RTF2: variants seen among roughly 807,000 people sequenced by gnomAD.
RTF2 encodes the protein UPF0549 protein C20orf43.
A neutral mutation model predicts 38.0 loss-of-function variants in RTF2; 18 were observed. The observed-to-expected ratio is 0.47, with a 90% confidence interval of 0.33 to 0.70. The LOEUF (loss-of-function observed/expected upper bound fraction) is 0.70, where lower values mean the gene tolerates loss of function less well. RTF2 is among the 30% of genes least tolerant of loss of function. RTF2 has a pLI of 0.02. For missense variants in RTF2, 311 were observed against 379.6 expected, an observed-to-expected ratio of 0.82 and a Z score of 1.50; for synonymous variants, 126 against 137.1, an observed-to-expected ratio of 0.92 and a Z score of 0.57.
At position 56,513,334 on chromosome 20, in the gene RTF2, A is replaced by T; in HGVS notation, c.497A>T (p.Glu166Val). Residue 166 changes from glutamate to valine, a missense_variant, in exon 6 of 9, where the codon GAG (glutamate) becomes GTG (valine). By Grantham distance (121) the Glu-to-Val change is moderately radical (BLOSUM62 -2). Transcript: ENST00000357348. ...CTCCAGTGTGGGGCTGCCTTCCAGG[A>T]GGATGATGTCATCATGCTCAATGGC... ...VCHTCGAAFQ[E>V]DDVIMLNGTK... 3 of 1,604,074 alleles carry T rather than the reference A, an allele frequency of 1.9e-6. No individual in the cohort carries two copies. Among genetic ancestry groups the T allele is most frequent in the Non-Finnish European group, 2.6e-6 (3 of 1,175,830 alleles).
intron 5 of RTF2, among the ~76,000 whole-genome samples, chr20:56,492,434 T>C (rs1356344049): frequency 7.0e-6 from 1 of 143,502 alleles, no homozygotes; most frequent in Admixed American, 6.9e-5. Flanking sequence ...AGGTGGGAAT[T>C]ACAGGCCAGG....
chr20:56,489,079 G>A (rs1409979532), intron 5 of RTF2, among the ~76,000 whole-genome samples: 5 of 151,488 alleles, frequency 3.3e-5, no homozygotes, highest in African/African-American at 1.2e-4. Context: ...TTTTTTAGAT[G>A]GAGTCTTGCT....
At chr20:56,487,578 A>T (rs935702891) in intron 5 of RTF2, among the ~76,000 whole-genome samples, 5 of 152,380 alleles carry the variant, frequency 3.3e-5, no homozygotes, top group Admixed American at 3.3e-4. Context: ...CAAAGAATGA[A>T]CGAGATAATG....
chr20:56,510,337 C>T (rs954329407), intron 5 of RTF2, among the ~76,000 whole-genome samples: 3 of 152,158 alleles, frequency 2.0e-5, no homozygotes, highest in African/African-American at 7.2e-5. Flanking sequence ...CATTCTGTGT[C>T]CTGAGCATTG....
At chr20:56,492,166 A>G (rs1472222359) in intron 5 of RTF2, among the ~76,000 whole-genome samples, 1 of 152,016 alleles carries the variant, frequency 6.6e-6, no homozygotes, top group East Asian at 2.0e-4. Context: ...GTAGTTCATA[A>G]GAATGGTATG....
intron 5 of RTF2, among the ~76,000 whole-genome samples, chr20:56,500,980 A>T (rs766109170): frequency 1.7e-4 from 26 of 150,346 alleles, no homozygotes; most frequent in Non-Finnish European, 3.0e-4. Context: ...TTTTTTTTTT[A>T]AAAAAAATCT....
At chr20:56,491,527 G>T in intron 5 of RTF2, 2 of 1,335,684 alleles carry the variant, frequency 1.5e-6, no homozygotes, top group Non-Finnish European at 2.1e-6. Flanking sequence ...CAAGGAAACA[G>T]AATGATACCA....
At chr20:56,486,699 A>C (rs746694179) in intron 5 of RTF2, among the ~76,000 whole-genome samples, 1 of 152,226 alleles carries the variant, frequency 6.6e-6, no homozygotes, top group African/African-American at 2.4e-5. Context: ...AAAATTAAGC[A>C]GAAACAATGG....
chr20:56,468,689 C>T lies in RTF2; in HGVS notation c.-9C>T, dbSNP rs200260681. 11 of 1,572,554 alleles carry T rather than the reference C, an allele frequency of 7.0e-6. No individual in the cohort carries two copies. Among genetic ancestry groups the T allele is most frequent in the African/African-American group, 5.4e-5 (4 of 73,856 alleles). ...GGGGTTTGCTGCTGGCTCTGACTCC[C>T]GTCCTGCGATGGGTTGCGACGGGGG... On this transcript the variant is annotated 5_prime_UTR_variant, in exon 1 of 9. Transcript: ENST00000357348.
intron 1 of RTF2, among the ~76,000 whole-genome samples, chr20:56,470,273 C>T (rs1014041116): frequency 2.0e-5 from 3 of 152,036 alleles, no homozygotes; most frequent in Non-Finnish European, 4.4e-5. Flanking sequence ...GTGCCCAGGG[C>T]TGAAAAGGAG....
intron 5 of RTF2, among the ~76,000 whole-genome samples, chr20:56,502,780 G>C (rs1216455512): frequency 1.3e-5 from 2 of 152,186 alleles, no homozygotes; most frequent in Non-Finnish European, 2.9e-5. Context: ...AAGGGTGGGG[G>C]TTGAGGGAGG....
chr20:56,501,205 T>A (rs1277727615), intron 5 of RTF2, among the ~76,000 whole-genome samples: 5 of 81,384 alleles, frequency 6.1e-5, no homozygotes, highest in Non-Finnish European at 1.7e-4. Flanking sequence ...TGGCCTGACT[T>A]TTTTTTTTTC....
At chr20:56,472,124 G>C (rs1045894802) in intron 1 of RTF2, among the ~76,000 whole-genome samples, 10 of 152,142 alleles carry the variant, frequency 6.6e-5, no homozygotes, top group Non-Finnish European at 1.5e-4. Context: ...GGGAGGCTAA[G>C]GGGGAGGATT....
rs566026339 is a variant in RTF2, at chr20:56,507,066, T to C, written c.478-6249T>C. 2.0e-5 allele frequency among the ~76,000 whole-genome samples: 3 copies of C among 152,284 alleles called. No homozygotes were observed. In the South Asian group the frequency reaches 6.2e-4, roughly 32 times the overall value. Reference sequence around the variant, plus strand: ...TCTGAGTTTCAAGCGATAAAAAGGATGAAGATACAGTTTTAAATGGATGTA... The same window carrying C: ...TCTGAGTTTCAAGCGATAAAAAGGACGAAGATACAGTTTTAAATGGATGTA... On this transcript the variant is annotated intron_variant, in intron 5 of 8. Transcript: ENST00000357348.
chr20:56,513,487 A>G (rs1984829408), intron 6 of RTF2, 59 bp downstream of exon 6: 2 of 1,546,606 alleles, frequency 1.3e-6, no homozygotes, highest in Non-Finnish European at 8.7e-7. Context: ...CCGACTGCAA[A>G]TCACTGAACT....
chr20:56,516,648 C>T (rs1985058415), intron 6 of RTF2: 1 of 490,904 alleles, frequency 2.0e-6, no homozygotes, highest in African/African-American at 1.9e-5. Context: ...ATCTGTCAGC[C>T]TCATTTAAAT....
At chr20:56,507,250 G>A (rs1241767738) in intron 5 of RTF2, among the ~76,000 whole-genome samples, 1 of 152,076 alleles carries the variant, frequency 6.6e-6, no homozygotes, top group African/African-American at 2.4e-5. Context: ...CCCCATCTCC[G>A]CAGTAGCCCC....
intron 6 of RTF2, chr20:56,513,685 G>A (rs535030335): frequency 1.8e-4 from 65 of 371,372 alleles, no homozygotes; most frequent in Non-Finnish European, 2.5e-4. Flanking sequence ...GCGAGGGCAC[G>A]GAGCTGTCAG....
In RTF2 at chr20:56,518,584, C is replaced by A. The variant is rs1279091888; in HGVS notation, c.*319C>A. 7.8e-6 allele frequency: 2 copies of A among 255,420 alleles called. No homozygotes were observed. The highest frequency in any genetic ancestry group is 1.5e-5 in the Non-Finnish European group (2 of 135,684). 15.8% of individuals were successfully genotyped at this position (255,420 alleles called of 1,614,324 possible). ...GTAACAAGAGACTCCAGAGTCCTCA[C>A]CGGTGCAGAGTTGGCACATATTAAT... On this transcript the variant is annotated 3_prime_UTR_variant, in exon 9 of 9. Transcript: ENST00000357348.
Sources: allele counts gnomAD v4.1 joint callset (sites outside exome capture counted in the v4.1 genomes callset), GRCh38; gene constraint gnomAD v4.1.1; transcripts MANE v1.5; gene names NCBI Gene and HGNC (gene_info 2026-07-23, HGNC 2026-07-21).